KIFC3: variants seen among roughly 807,000 people sequenced by gnomAD.
The protein encoded by KIFC3 is kinesin-like protein KIFC3.
KIFC3 carries 60 observed loss-of-function variants against 101.8 expected under a neutral mutation model. That is an observed-to-expected ratio of 0.59 (90% CI 0.48 to 0.73). The LOEUF (loss-of-function observed/expected upper bound fraction) is 0.73, where lower values mean the gene tolerates loss of function less well. KIFC3 is among the 30% of genes least tolerant of loss of function. KIFC3 has a pLI of 0.00. For missense variants in KIFC3, 966 were observed against 1,137.1 expected (o/e 0.85, Z 2.16); for synonymous variants, 476 against 482.7 (o/e 0.99, Z 0.18).
chr16:57,822,080 TAAAAACAAAAAC>T (rs2055362068), intron 1 of KIFC3, among the ~76,000 whole-genome samples: 1 of 151,668 alleles, frequency 6.6e-6, no homozygotes, highest in African/African-American at 2.4e-5. Flanking sequence ...GTCTCAAAAA[TAAAAACAAAAAC>T]AAAAACTAAA....
At chr16:57,847,316 G>A (rs2055953140) in intron 1 of KIFC3, among the ~76,000 whole-genome samples, 1 of 150,284 alleles carries the variant, frequency 6.7e-6, no homozygotes, top group African/African-American at 2.4e-5. Flanking sequence ...GAGGGAGGGA[G>A]AGGTGGCTCA....
intron 3 of KIFC3, chr16:57,775,782 T>C: frequency 2.0e-6 from 2 of 985,542 alleles, no homozygotes; most frequent in Non-Finnish European, 2.4e-6. Flanking sequence ...GAAAGCAGAC[T>C]CCCCACTAGG....
chr16:57,763,852 G>A (rs533636417), intron 12 of KIFC3, among the ~76,000 whole-genome samples: 1 of 152,138 alleles, frequency 6.6e-6, no homozygotes, highest in African/African-American at 2.4e-5. Flanking sequence ...TCCTGAGAGA[G>A]GTCGGTGGCC....
rs782457590 is a variant in KIFC3, at chr16:57,769,738, T to C, written c.1088-13A>G. ...TTGGTCCGGACGCCTATGGGGACAC[T>C]CGGGCTGTGAGGCGGGAGGGGATGA... On this transcript the variant is annotated splice_polypyrimidine_tract_variant and intron_variant, in intron 8 of 19. Coordinates refer to ENST00000445690, the MANE Select transcript of KIFC3 (RefSeq NM_001130100.2). The surrounding 1 kb of genome is among the most constrained non-coding windows in gnomAD (Gnocchi z 4.3). 6.2e-7 allele frequency: 1 copy of C among 1,612,658 alleles called. No homozygotes were observed. Among genetic ancestry groups the C allele is most frequent in the Non-Finnish European group, 8.5e-7 (1 of 1,179,760 alleles).
At chr16:57,824,874 C>T (rs1183483303) in intron 1 of KIFC3, among the ~76,000 whole-genome samples, 1 of 152,100 alleles carries the variant, frequency 6.6e-6, no homozygotes, top group African/African-American at 2.4e-5. Context: ...GATCTCCTGG[C>T]CTCAAGCGAT....
chr16:57,848,824 T>A (rs1202331335), intron 1 of KIFC3, among the ~76,000 whole-genome samples: 1 of 152,226 alleles, frequency 6.6e-6, no homozygotes, highest in Non-Finnish European at 1.5e-5. Flanking sequence ...AGGTTTTCTC[T>A]AAATAAATAC....
chr16:57,771,058 G>T, intron 6 of KIFC3, 140 bp downstream of exon 6: 1 of 1,132,852 alleles, frequency 8.8e-7, no homozygotes, highest in Non-Finnish European at 1.3e-6. Context: ...GAAGGGGCAG[G>T]ACCAAGCACA....
chr16:57,801,910 C>T (rs983454555), intron 1 of KIFC3, among the ~76,000 whole-genome samples: 3 of 152,242 alleles, frequency 2.0e-5, no homozygotes, highest in African/African-American at 7.2e-5. Flanking sequence ...TCTTCCTAAC[C>T]TCTGGGCGGG....
intron 1 of KIFC3, chr16:57,816,130 AC>A: frequency 8.8e-7 from 1 of 1,141,742 alleles, no homozygotes; most frequent in Non-Finnish European, 1.1e-6. Context: ...GAACCATTTG[AC>A]CTGCTACCTG....
intron 3 of KIFC3, among the ~76,000 whole-genome samples, chr16:57,780,667 A>ATTTTTTT (rs1191334568): frequency 1.1e-4 from 8 of 69,956 alleles, no homozygotes; most frequent in Admixed American, 5.0e-4. Context: ...CTGAAGACAA[A>ATTTTTTT]TTTTTTTTTT....
chr16:57,786,132 C>T (rs2053291685), intron 3 of KIFC3, among the ~76,000 whole-genome samples: 1 of 152,210 alleles, frequency 6.6e-6, no homozygotes, highest in African/African-American at 2.4e-5. Flanking sequence ...AAGTGGTCAA[C>T]TGTGCAGAAA....
chr16:57,795,115 C>A lies in KIFC3; in HGVS notation c.199G>T (p.Gly67Cys). ...TGRGKDTPVC[G>C]DEDSSARSAA... Reference sequence around the variant, plus strand: ...CTTCGGGCACTGGAGTCCTCGTCACCGCAGACTGGGGTATCTTTTCCACGC... The same window carrying A: ...CTTCGGGCACTGGAGTCCTCGTCACAGCAGACTGGGGTATCTTTTCCACGC... The change falls in exon 3 of 20, where the codon GGT becomes TGT. Residue 67 changes from glycine to cysteine, a missense_variant. By Grantham distance (159) the Gly-to-Cys change is radical. Around this residue, in one of 2 missense-constraint regions of KIFC3, gnomAD observed 277 missense variants for 252.5 expected, o/e 1.10. Coordinates refer to ENST00000445690, the MANE Select transcript of KIFC3 (RefSeq NM_001130100.2). 1 of 1,611,524 alleles carries A rather than the reference C, an allele frequency of 6.2e-7. No individual in the cohort carries two copies. Among genetic ancestry groups the A allele is most frequent in the African/African-American group, 1.3e-5 (1 of 74,794 alleles).
intron 1 of KIFC3, among the ~76,000 whole-genome samples, chr16:57,826,858 C>T (rs2055468919): frequency 6.6e-6 from 1 of 152,198 alleles, no homozygotes; most frequent in South Asian, 2.1e-4. Flanking sequence ...CGTGGTCATA[C>T]TCTGGACCTC....
intron 3 of KIFC3, among the ~76,000 whole-genome samples, chr16:57,781,056 G>A (rs1427130174): frequency 3.9e-5 from 6 of 152,066 alleles, no homozygotes; most frequent in Non-Finnish European, 7.4e-5. Flanking sequence ...AGTGGCTCAT[G>A]CCTGTAATCC....
chr16:57,843,170 A>C (rs1005142243), intron 1 of KIFC3, among the ~76,000 whole-genome samples: 1 of 152,122 alleles, frequency 6.6e-6, no homozygotes, highest in East Asian at 1.9e-4. Context: ...TAAATAAATA[A>C]ATATCATACA....
rs1269270332 is a variant in KIFC3, at chr16:57,795,126, G to T, written c.188C>A (p.Thr63Asn). The change falls in exon 3 of 20, where the codon ACC (threonine) becomes AAC (asparagine). Residue 63 changes from threonine to asparagine, a missense_variant. This residue lies in a region of KIFC3 where 277 missense variants were observed against 252.5 expected (regional missense o/e 1.10). Coordinates refer to ENST00000445690, the MANE Select transcript of KIFC3 (RefSeq NM_001130100.2). ...GRLRTGRGKD[T>N]PVCGDEDSSA... ...GGAGTCCTCGTCACCGCAGACTGGG[G>T]TATCTTTTCCACGCCCTGTCCCAGG... 1.9e-6 allele frequency: 3 copies of T among 1,611,384 alleles called. No individual in the cohort carries two copies. The highest frequency in any genetic ancestry group is 3.4e-5 in the Admixed American group (2 of 59,622).
chr16:57,857,951 C>T (rs750843973), intron 1 of KIFC3, among the ~76,000 whole-genome samples: 10 of 150,922 alleles, frequency 6.6e-5, no homozygotes, highest in East Asian at 2.0e-4. Context: ...CTCAGCCTCC[C>T]GAGTAGCTGG....
chr16:57,839,070 G>T (rs1183996144), intron 1 of KIFC3, among the ~76,000 whole-genome samples: 12 of 152,166 alleles, frequency 7.9e-5, no homozygotes, highest in African/African-American at 2.7e-4. Flanking sequence ...GCTCACGCCT[G>T]TAACATCAGC....
At chr16:57,780,236 C>T (rs1031778216) in intron 3 of KIFC3, among the ~76,000 whole-genome samples, 10 of 152,182 alleles carry the variant, frequency 6.6e-5, no homozygotes, top group African/African-American at 1.7e-4. Context: ...ATCAGCCGGG[C>T]GCGGTGGCTC....
Sources: allele counts gnomAD v4.1 joint callset (sites outside exome capture counted in the v4.1 genomes callset), GRCh38; gene constraint gnomAD v4.1.1; regional missense constraint gnomAD v4.1.1; non-coding constraint Gnocchi (gnomAD v3.1); transcripts MANE v1.5; gene names NCBI Gene and HGNC (gene_info 2026-07-23, HGNC 2026-07-21).